EHMT1: variants seen among roughly 807,000 people sequenced by gnomAD.
EHMT1 encodes histone-lysine N-methyltransferase EHMT1.
A neutral mutation model predicts 147.2 loss-of-function variants in EHMT1; 15 were observed. The ratio of observed to expected loss-of-function variants is 0.10; its 90% CI spans 0.07 to 0.16. The LOEUF is 0.16. EHMT1 is among the 10% of genes least tolerant of loss of function. The pLI is 1.00. For synonymous variants in EHMT1, 795 were observed against 709.6 expected (o/e 1.12, Z -1.91); for missense variants, 1,587 against 1,772.4 (o/e 0.90, Z 1.88).
chr9:137,654,462 A>G (rs543677694), intron 1 of EHMT1, among the ~76,000 whole-genome samples: 1 of 149,436 alleles, frequency 6.7e-6, no homozygotes, highest in South Asian at 2.1e-4. Context: ...GTTCTCTTCC[A>G]TTGATCAGAT....
chr9:137,756,831 T>C (rs1176235744), intron 8 of EHMT1, among the ~76,000 whole-genome samples: 1 of 152,264 alleles, frequency 6.6e-6, no homozygotes, highest in East Asian at 1.9e-4. Context: ...TTTAAAACTA[T>C]ACAAAGTGTA....
intron 4 of EHMT1, among the ~76,000 whole-genome samples, chr9:137,741,616 G>A (rs1486198630): frequency 6.6e-6 from 1 of 152,196 alleles, no homozygotes; most frequent in East Asian, 1.9e-4. Context: ...GAAAGTACAT[G>A]TAGTCACCCT....
intron 25 of EHMT1, among the ~76,000 whole-genome samples, chr9:137,820,776 T>A (rs537306566): frequency 3.9e-5 from 6 of 152,380 alleles, no homozygotes; most frequent in South Asian, 2.1e-4. Context: ...AGTGTCCTCG[T>A]CCTATCAATC....
intron 1 of EHMT1, among the ~76,000 whole-genome samples, chr9:137,651,246 A>T (rs535910702): frequency 8.9e-4 from 136 of 152,262 alleles, no homozygotes; most frequent in Admixed American, 2.0e-3. Flanking sequence ...AAGCACAAAC[A>T]TTTTTAATTT....
At chr9:137,778,787 A>G (rs1052876602) in intron 13 of EHMT1, among the ~76,000 whole-genome samples, 14 of 152,278 alleles carry the variant, frequency 9.2e-5, no homozygotes, top group African/African-American at 2.6e-4. Context: ...CCAGGGCTGG[A>G]TGATTTATAT....
intron 25 of EHMT1, among the ~76,000 whole-genome samples, chr9:137,826,296 C>T (rs945338017): frequency 1.3e-5 from 2 of 152,166 alleles, no homozygotes; most frequent in Non-Finnish European, 2.9e-5. Context: ...TTCCCTGTCT[C>T]CTCATGTTTC....
intron 3 of EHMT1, among the ~76,000 whole-genome samples, chr9:137,718,011 C>T (rs927052512): frequency 2.0e-5 from 3 of 152,086 alleles, no homozygotes; most frequent in African/African-American, 4.8e-5. Context: ...CAGGGCGCGC[C>T]CACCCCTCGC....
intron 25 of EHMT1, among the ~76,000 whole-genome samples, chr9:137,825,880 A>T (rs1272323258): frequency 6.6e-6 from 1 of 151,966 alleles, no homozygotes; most frequent in Non-Finnish European, 1.5e-5. Flanking sequence ...GCCTTTCAGG[A>T]CTGTTTCCCG....
At chr9:137,753,530 G>A (rs1298179808) in intron 7 of EHMT1, among the ~76,000 whole-genome samples, 1 of 152,216 alleles carries the variant, frequency 6.6e-6, no homozygotes, top group Admixed American at 6.5e-5. Flanking sequence ...CTTGTGCAGG[G>A]ACATGTTCAG....
Position 137,814,413 on chromosome 9 carries a change from C to CT in EHMT1, c.3181-18_3181-17insT, listed in dbSNP as rs769826745. ...GCCTGTGCCTGCACGTCTGACCCCC[C>CT]GGCGCCTCTCTTCTCAGTACTGCGT... On this transcript the variant is annotated splice_polypyrimidine_tract_variant and intron_variant, in intron 21 of 26. Coordinates refer to ENST00000460843, the MANE Select transcript of EHMT1 (RefSeq NM_024757.5). 1 of 1,611,606 alleles carries CT rather than the reference C, an allele frequency of 6.2e-7. No homozygotes were observed. Among genetic ancestry groups the CT allele is most frequent in the Non-Finnish European group, 8.5e-7 (1 of 1,179,946 alleles).
intron 1 of EHMT1, among the ~76,000 whole-genome samples, chr9:137,649,454 C>T (rs952013223): frequency 7.3e-5 from 10 of 137,474 alleles, no homozygotes; most frequent in South Asian, 2.4e-4. Context: ...AGCGAGACTC[C>T]GACTCAAACA....
At chr9:137,805,807 C>A (rs1953899471) in intron 18 of EHMT1, among the ~76,000 whole-genome samples, 2 of 152,022 alleles carry the variant, frequency 1.3e-5, no homozygotes, top group Admixed American at 6.5e-5. Context: ...GGATTACAGG[C>A]ACGAGCCACC....
rs369539861 is a variant in EHMT1, at chr9:137,813,192, C to T, written c.3035+19C>T. 1.1e-5 allele frequency: 18 copies of T among 1,605,584 alleles called. No individual in the cohort carries two copies. The highest frequency in any genetic ancestry group is 1.1e-4 in the African/African-American group (8 of 74,886). ...TGAGCAGGTGAGCCCAGCCCCAGGACGGCTTTGTGGCAAATCAGCGGTCAG... is the reference window on the plus strand; with the variant it reads ...TGAGCAGGTGAGCCCAGCCCCAGGATGGCTTTGTGGCAAATCAGCGGTCAG... On this transcript the variant is annotated intron_variant, in intron 20 of 26. Coordinates refer to ENST00000460843, the MANE Select transcript of EHMT1 (RefSeq NM_024757.5). The surrounding 1 kb of genome is among the most constrained non-coding windows in gnomAD (Gnocchi z 4.9).
chr9:137,702,657 A>G (rs111799333), intron 1 of EHMT1, among the ~76,000 whole-genome samples: 2 of 151,970 alleles, frequency 1.3e-5, no homozygotes, highest in African/African-American at 4.8e-5. Context: ...AGATGGATCT[A>G]CCATTCTGGG....
At chr9:137,712,429 C>CT (rs1377130469) in intron 2 of EHMT1, among the ~76,000 whole-genome samples, 1 of 152,226 alleles carries the variant, frequency 6.6e-6, no homozygotes, top group African/African-American at 2.4e-5. Flanking sequence ...TTGCAGAGGG[C>CT]TCCAGGTTCT....
chr9:137,690,072 C>T (rs1472242908), intron 1 of EHMT1, among the ~76,000 whole-genome samples: 3 of 152,162 alleles, frequency 2.0e-5, no homozygotes, highest in African/African-American at 7.2e-5. Context: ...ATCTGACTTA[C>T]ATTTTAATGG....
chr9:137,721,845 C>G (rs923721556), intron 3 of EHMT1, among the ~76,000 whole-genome samples: 2 of 152,182 alleles, frequency 1.3e-5, no homozygotes, highest in African/African-American at 4.8e-5. Context: ...TCTCTTCTTT[C>G]TCTCAAAAGG....
At chr9:137,697,406 G>GGA (rs1294436192) in intron 1 of EHMT1, among the ~76,000 whole-genome samples, 1 of 152,196 alleles carries the variant, frequency 6.6e-6, no homozygotes, top group African/African-American at 2.4e-5. Context: ...TTGCCCTGAG[G>GGA]GAGATCCTGC....
intron 19 of EHMT1, 107 bp from the exon 20 acceptor site, chr9:137,812,897 AAT>A (rs796352631): frequency 2.1e-6 from 3 of 1,452,886 alleles, no homozygotes; most frequent in East Asian, 2.3e-5. Context: ...TCTCACAGTG[AAT>A]AGTGTTCCCT....
Sources: gnomAD v4.1 joint callset for allele counts (sites outside exome capture counted in the v4.1 genomes callset) on GRCh38, gnomAD v4.1.1 for gene constraint, Gnocchi (gnomAD v3.1) non-coding constraint, MANE v1.5 for transcripts, NCBI Gene and HGNC (gene_info 2026-07-23, HGNC 2026-07-21) for gene names.